CYSLTR2: variants seen among roughly 807,000 people sequenced by gnomAD.
CYSLTR2 encodes the protein G-protein coupled receptor GPCR21.
For missense variants in CYSLTR2, 398 were observed against 411.9 expected, an observed-to-expected ratio of 0.97 and a Z score of 0.29; for synonymous variants, 179 against 160.8, an observed-to-expected ratio of 1.11 and a Z score of -0.86.
chr13:48,661,813 G>A (rs1384024365), intron 1 of CYSLTR2, among the ~76,000 whole-genome samples: 1 of 152,164 alleles, frequency 6.6e-6, no homozygotes, highest in Non-Finnish European at 1.5e-5. Flanking sequence ...AGGGTAATTA[G>A]CATATCCATC....
intron 1 of CYSLTR2, among the ~76,000 whole-genome samples, chr13:48,661,978 C>A (rs532117491): frequency 1.3e-5 from 2 of 152,212 alleles, no homozygotes; most frequent in East Asian, 3.9e-4. Context: ...AATTTTGTAT[C>A]CTTTACCAAA....
chr13:48,706,825 G>A lies in CYSLTR2; in HGVS notation c.8G>A (p.Arg3Lys). The change falls in exon 5 of 5, where the codon AGA (arginine) becomes AAA (lysine). Residue 3 changes from arginine (R) to lysine (K), a missense_variant. Coordinates refer to ENST00000682523, the MANE Select transcript of CYSLTR2 (RefSeq NM_001308476.3). ME[R>K]KFMSLQPSIS... Reference sequence around the variant, plus strand: ...GTTTCTTTTTAACCCAGCATGGAGAGAAAATTTATGTCCTTGCAACCATCC... The same window carrying A: ...GTTTCTTTTTAACCCAGCATGGAGAAAAAATTTATGTCCTTGCAACCATCC... The A allele has an allele frequency of 6.2e-7, 1 of 1,607,256 alleles. No individual in the cohort carries two copies. Among genetic ancestry groups the A allele is most frequent in the Non-Finnish European group, 8.5e-7 (1 of 1,176,140 alleles).
chr13:48,657,089 C>T (rs1953016601), intron 1 of CYSLTR2, among the ~76,000 whole-genome samples: 1 of 152,210 alleles, frequency 6.6e-6, no homozygotes, highest in East Asian at 1.9e-4. Context: ...AGAATAAAGG[C>T]ATTGTGTAAA....
In CYSLTR2 at chr13:48,707,874, G is replaced by C; in HGVS notation, c.*16G>C. 1 of 1,502,364 alleles carries C rather than the reference G, an allele frequency of 6.7e-7. No individual in the cohort carries two copies. Among genetic ancestry groups the C allele is most frequent in the East Asian group, 2.3e-5 (1 of 43,836 alleles). The allele number at this position is 1,502,364 out of a possible 1,614,324, so 93.1% of individuals were successfully genotyped here. A position where few individuals can be genotyped will look rare whatever the true frequency, so the allele number is the denominator to read the frequency against. Reference sequence around the variant, plus strand: ...AAGAGTATAAGGAGCTCTTAGATGAGACCTGTTCTTGTATCCTTGTGTCCA... The same window carrying C: ...AAGAGTATAAGGAGCTCTTAGATGACACCTGTTCTTGTATCCTTGTGTCCA... On this transcript the variant is annotated 3_prime_UTR_variant, in exon 5 of 5. Coordinates refer to ENST00000682523, the MANE Select transcript of CYSLTR2 (RefSeq NM_001308476.3).
At position 48,707,476 on chromosome 13, in the gene CYSLTR2, G is replaced by A. The variant is rs140113993; in HGVS notation, c.659G>A (p.Cys220Tyr). ...CLLPFFTLSI[C>Y]YLLIIRVLLK... ...CTGCCATTTTTCACACTCAGCATCTGTTATCTGCTGATCATTCGGGTTCTG... is the reference window on the plus strand; with the variant it reads ...CTGCCATTTTTCACACTCAGCATCTATTATCTGCTGATCATTCGGGTTCTG... The change falls in exon 5 of 5, where the codon TGT (cysteine) becomes TAT (tyrosine). Residue 220 changes from cysteine to tyrosine, a missense_variant. Coordinates refer to ENST00000682523, the MANE Select transcript of CYSLTR2 (RefSeq NM_001308476.3). 8.8e-5 allele frequency: 142 copies of A among 1,613,510 alleles called. No individual in the cohort carries two copies. The African/African-American group carries it at 1.6e-3, about 18-fold the overall frequency.
chr13:48,663,538 T>G (rs945775455), intron 1 of CYSLTR2, among the ~76,000 whole-genome samples: 1 of 152,070 alleles, frequency 6.6e-6, no homozygotes, highest in Admixed American at 6.6e-5. Context: ...GTTTTCCTTG[T>G]AGAGGTCTTT....
chr13:48,704,136 G>A (rs1309675092), intron 4 of CYSLTR2, among the ~76,000 whole-genome samples: 1 of 151,878 alleles, frequency 6.6e-6, no homozygotes, highest in Non-Finnish European at 1.5e-5. Flanking sequence ...CGTACCTCTT[G>A]CTAGAGATTT....
At chr13:48,677,338 A>T (rs2138876773) in intron 1 of CYSLTR2, among the ~76,000 whole-genome samples, 1 of 152,224 alleles carries the variant, frequency 6.6e-6, no homozygotes, top group East Asian at 1.9e-4. Flanking sequence ...GAAGATAATG[A>T]CCAAAAAACG....
intron 1 of CYSLTR2, among the ~76,000 whole-genome samples, chr13:48,660,105 A>G (rs1953091649): frequency 1.3e-5 from 2 of 152,200 alleles, no homozygotes; most frequent in African/African-American, 2.4e-5. Flanking sequence ...GGTAGGATGA[A>G]TGTGCAAGAG....
chr13:48,705,494 G>T (rs528600824), intron 4 of CYSLTR2, among the ~76,000 whole-genome samples: 13 of 149,922 alleles, frequency 8.7e-5, no homozygotes, highest in Middle Eastern at 3.4e-3. Flanking sequence ...CCTTGTTGTT[G>T]GTTATCTGAA....
rs186585421 is a variant in CYSLTR2, at chr13:48,704,116, A to C, written c.-1-2701A>C. 4.9e-3 allele frequency among the ~76,000 whole-genome samples: 743 copies of C among 152,228 alleles called. 8 individuals are homozygous for C. Among genetic ancestry groups the C allele is most frequent in the African/African-American group, 0.017 (714 of 41,532 alleles). On this transcript the variant is annotated intron_variant, in intron 4 of 4. Coordinates refer to ENST00000682523, the MANE Select transcript of CYSLTR2 (RefSeq NM_001308476.3). The stretch of plus-strand genomic sequence containing the variant: ...GACAATGGAAATTTATGTCTGTTCT[A>C]CTTTTTTTTCGTACCTCTTGCTAGA...
intron 1 of CYSLTR2, among the ~76,000 whole-genome samples, chr13:48,663,198 C>T (rs1321574456): frequency 6.6e-6 from 1 of 152,004 alleles, no homozygotes; most frequent in Non-Finnish European, 1.5e-5. Context: ...TTCCATTGGC[C>T]TATGTGTCTG....
At chr13:48,663,638 G>A (rs1046131447) in intron 1 of CYSLTR2, among the ~76,000 whole-genome samples, 7 of 151,648 alleles carry the variant, frequency 4.6e-5, no homozygotes, top group African/African-American at 1.7e-4. Context: ...TTTTTTTCCA[G>A]CTAGTTCATT....
At position 48,693,428 on chromosome 13, in the gene CYSLTR2, T is replaced by G. The variant is rs796900408; in HGVS notation, c.-175-10T>G. On this transcript the variant is annotated splice_polypyrimidine_tract_variant and intron_variant, in intron 2 of 4. Coordinates refer to ENST00000682523, the MANE Select transcript of CYSLTR2 (RefSeq NM_001308476.3). ...CACAGTTTAATAACATTTTTTCCCC[T>G]TTTTTTCAGACATTTTGACTACTTG... is the stretch of plus-strand genomic sequence containing the variant. The G allele has an allele frequency of 3.3e-5, 5 of 150,966 alleles. No homozygotes were observed. Among genetic ancestry groups the G allele is most frequent in the African/African-American group, 1.2e-4 (5 of 41,426 alleles). The allele number at this position is 150,966 out of a possible 1,614,324, so 9.4% of individuals were successfully genotyped here.
At chr13:48,705,996 GTTGT>G (rs1954473412) in intron 4 of CYSLTR2, among the ~76,000 whole-genome samples, 1 of 128,588 alleles carries the variant, frequency 7.8e-6, no homozygotes, top group Admixed American at 7.5e-5. Context: ...TTGTTTTGTT[GTTGT>G]TTTTTTTTTT....
At chr13:48,702,034 G>A (rs1022199563) in intron 4 of CYSLTR2, among the ~76,000 whole-genome samples, 1 of 152,032 alleles carries the variant, frequency 6.6e-6, no homozygotes, top group Non-Finnish European at 1.5e-5. Context: ...ATGATAGACT[G>A]GATTAAGAAA....
At chr13:48,702,819 A>G (rs1954385366) in intron 4 of CYSLTR2, among the ~76,000 whole-genome samples, 1 of 152,206 alleles carries the variant, frequency 6.6e-6, no homozygotes, top group Non-Finnish European at 1.5e-5. Context: ...TCCTATCTAT[A>G]TCTACAAAAA....
At chr13:48,681,611 T>G (rs1953757395) in intron 1 of CYSLTR2, among the ~76,000 whole-genome samples, 1 of 152,178 alleles carries the variant, frequency 6.6e-6, no homozygotes, top group Non-Finnish European at 1.5e-5. Context: ...CCTATTACTA[T>G]TGTTTTTGGT....
chr13:48,663,251 G>C lies in CYSLTR2; in HGVS notation c.-266+9234G>C, dbSNP rs530865156. 6.6e-5 allele frequency among the ~76,000 whole-genome samples: 10 copies of C among 152,248 alleles called. No homozygotes were observed. In the South Asian group the frequency reaches 2.1e-3, roughly 32 times the overall value. ...CTATTTTGGTTACTATAACTCTGTA[G>C]TGTATTTTGAGGTTTGGTGGTGTGA... On this transcript the variant is annotated intron_variant, in intron 1 of 4. Transcript: ENST00000682523.
Sources: gnomAD v4.1 joint callset for allele counts (sites outside exome capture counted in the v4.1 genomes callset) on GRCh38, gnomAD v4.1.1 for gene constraint, MANE v1.5 for transcripts, NCBI Gene and HGNC (gene_info 2026-07-23, HGNC 2026-07-21) for gene names.